Variants in GALNT8 observed in about 807,000 individuals in gnomAD.
GALNT8 encodes the protein probable polypeptide N-acetylgalactosaminyltransferase 8.
A neutral mutation model predicts 62.7 loss-of-function variants in GALNT8; 66 were observed. The ratio of observed to expected loss-of-function variants is 1.05; its 90% CI spans 0.86 to 1.29. The LOEUF (loss-of-function observed/expected upper bound fraction) is 1.29. Among genes scored for constraint, GALNT8 ranks in the 50% most tolerant of loss-of-function variants. The pLI is 0.00. For missense variants in GALNT8, 771 were observed against 791.8 expected (o/e 0.97, Z 0.32); for synonymous variants, 288 against 294.3 (o/e 0.98, Z 0.22).
intron 1 of GALNT8, among the ~76,000 whole-genome samples, chr12:4,725,278 C>T (rs1218038914): frequency 6.6e-6 from 1 of 152,138 alleles, no homozygotes; most frequent in African/African-American, 2.4e-5. Context: ...TAAGATACTC[C>T]AGCACAAATC....
intron 9 of GALNT8, 91 bp downstream of exon 9, chr12:4,764,138 G>C: frequency 2.5e-6 from 2 of 787,136 alleles, no homozygotes; most frequent in Non-Finnish European, 4.7e-6. Context: ...TCCGTGATAC[G>C]TGATGGGGAG....
intron 3 of GALNT8, among the ~76,000 whole-genome samples, chr12:4,742,670 T>C (rs974011511): frequency 2.6e-5 from 4 of 152,054 alleles, no homozygotes; most frequent in South Asian, 2.1e-4. Flanking sequence ...GGATTGGGAC[T>C]TGAAGGCGTC....
chr12:4,745,760 G>C, intron 5 of GALNT8, 134 bp downstream of exon 5: 1 of 676,042 alleles, frequency 1.5e-6, no homozygotes, highest in South Asian at 1.7e-5. Flanking sequence ...TGAAGGACAA[G>C]GGATAGAGGG....
Position 4,761,132 on chromosome 12 carries a change from A to C in GALNT8, c.1348A>C (p.Ile450Leu). The C allele has an allele frequency of 1.2e-6, 2 of 1,613,586 alleles. No individual in the cohort carries two copies. Among genetic ancestry groups the C allele is most frequent in the Non-Finnish European group, 1.7e-6 (2 of 1,179,542 alleles). Residue 450 changes from isoleucine (I) to leucine (L), a missense_variant, in exon 7 of 11, where the codon ATA becomes CTA. Transcript: ENST00000252318. ...ACACATGGTCTACTTGGCCTGGAACATACCTCTCCAGGTGAGTCATGGAAT... is the reference window on the plus strand; with the variant it reads ...ACACATGGTCTACTTGGCCTGGAACCTACCTCTCCAGGTGAGTCATGGAAT... Reference protein sequence around the residue: ...HKHMVYLAWNIPLQNSGIDFG... With the variant: ...HKHMVYLAWNLPLQNSGIDFG...
At chr12:4,753,053 G>C (rs1490559365) in intron 6 of GALNT8, among the ~76,000 whole-genome samples, 1 of 152,154 alleles carries the variant, frequency 6.6e-6, no homozygotes, top group Non-Finnish European at 1.5e-5. Flanking sequence ...AAGTATGGGA[G>C]CTGCATTGTA....
chr12:4,724,066 G>A (rs995760153), intron 1 of GALNT8, among the ~76,000 whole-genome samples: 7 of 148,288 alleles, frequency 4.7e-5, no homozygotes, highest in African/African-American at 1.7e-4. Context: ...GGAGAATGGC[G>A]TGAATCTGGG....
In GALNT8 at chr12:4,726,843, G is replaced by A. The variant is rs997767670; in HGVS notation, c.509+14G>A. 1.9e-6 allele frequency: 3 copies of A among 1,596,996 alleles called. No homozygotes were observed. The highest frequency in any genetic ancestry group is 2.7e-5 in the African/African-American group (2 of 74,508). ...GCGAGACTACAGGTGGGATGAACCA[G>A]GCTTGGGCTTCTAGGGTCCTCAGTT... On this transcript the variant is annotated intron_variant, in intron 2 of 10. Transcript: ENST00000252318. The surrounding 1 kb of genome is among the most constrained non-coding windows in gnomAD (Gnocchi z 4.1).
intron 2 of GALNT8, among the ~76,000 whole-genome samples, chr12:4,729,451 C>T (rs1946211364): frequency 6.6e-6 from 1 of 152,142 alleles, no homozygotes; most frequent in Non-Finnish European, 1.5e-5. Context: ...CACCCTGGCT[C>T]CTGGTAACCA....
chr12:4,747,419 A>T (rs935879246), intron 6 of GALNT8, among the ~76,000 whole-genome samples: 1 of 152,154 alleles, frequency 6.6e-6, no homozygotes, highest in Non-Finnish European at 1.5e-5. Flanking sequence ...CTCTATGCCC[A>T]TGAGTTCAAT....
chr12:4,765,665 G>T, intron 10 of GALNT8, 119 bp downstream of exon 10: 1 of 680,426 alleles, frequency 1.5e-6, no homozygotes. Context: ...TGAGGCTACT[G>T]ACAGAAAAGA....
At chr12:4,752,534 G>GA (rs200703013) in intron 6 of GALNT8, among the ~76,000 whole-genome samples, 26,660 of 137,350 alleles carry the variant, frequency 0.19, 2,504 homozygotes, top group Non-Finnish European at 0.21. Flanking sequence ...CCAAACAATT[G>GA]AAAAAAAAAA....
intron 6 of GALNT8, among the ~76,000 whole-genome samples, chr12:4,755,142 A>G (rs572488778): frequency 1.1e-4 from 16 of 152,224 alleles, no homozygotes; most frequent in African/African-American, 3.4e-4. Context: ...CCCACCCCCA[A>G]TCCACTGTCT....
intron 3 of GALNT8, among the ~76,000 whole-genome samples, chr12:4,741,595 A>G (rs940574569): frequency 6.6e-6 from 1 of 152,178 alleles, no homozygotes; most frequent in Non-Finnish European, 1.5e-5. Flanking sequence ...AAAAAAGTCA[A>G]TACTATACTC....
At chr12:4,740,853 G>GA (rs1946268960) in intron 3 of GALNT8, among the ~76,000 whole-genome samples, 1 of 152,178 alleles carries the variant, frequency 6.6e-6, no homozygotes, top group Non-Finnish European at 1.5e-5. Flanking sequence ...GCTGGTAAGT[G>GA]ACAGAACTGA....
intron 6 of GALNT8, among the ~76,000 whole-genome samples, chr12:4,748,694 G>C (rs1183494497): frequency 6.6e-6 from 1 of 151,984 alleles, no homozygotes; most frequent in Non-Finnish European, 1.5e-5. Flanking sequence ...GCATGGTTTT[G>C]GTTATTCTGG....
In GALNT8 at chr12:4,726,499, T is replaced by C. The variant is rs1182748205; in HGVS notation, c.212-33T>C. The stretch of plus-strand genomic sequence containing the variant: ...GGTAACTAAGGAGGGGCTGAAATGT[T>C]TTCTCTCCCACCCCTGTCCTCTTCA... On this transcript the variant is annotated intron_variant, in intron 1 of 10. Coordinates refer to ENST00000252318, the MANE Select transcript of GALNT8 (RefSeq NM_017417.2). This position sits in a 1 kb window ranked among gnomAD's most constrained non-coding sequence, Gnocchi z 4.1. 6.5e-7 allele frequency: 1 copy of C among 1,540,244 alleles called. No homozygotes were observed. Among genetic ancestry groups the C allele is most frequent in the South Asian group, 1.2e-5 (1 of 82,706 alleles).
chr12:4,758,631 TGTGTGTGA>T (rs57147107), intron 6 of GALNT8, among the ~76,000 whole-genome samples: 1,011 of 92,928 alleles, frequency 0.011, 4 homozygotes, highest in East Asian at 0.042. Flanking sequence ...TGTGTGTGTG[TGTGTGTGA>T]GAGAGAGAGA....
Position 4,763,378 on chromosome 12 carries a change from G to T in GALNT8, c.1485G>T (p.Val495=), listed in dbSNP as rs1351661792. 1 of 1,612,558 alleles carries T rather than the reference G, an allele frequency of 6.2e-7. No individual in the cohort carries two copies. The change falls in exon 8 of 11, where the codon GTG becomes GTT. Residue 495 remains valine (V), a synonymous_variant. Transcript: ENST00000252318. The part of the protein sequence containing the change: ...YPLLKPLHTI[V]GYGRMKNLLD... ...TCTTGAAGCCACTCCACACCATCGT[G>T]GGCTATGGAAGAGTATGTATTATGA...
At chr12:4,766,502 ACTAT>A (rs1946400498) in intron 10 of GALNT8, among the ~76,000 whole-genome samples, 1 of 152,200 alleles carries the variant, frequency 6.6e-6, no homozygotes, top group South Asian at 2.1e-4. Context: ...GGTGTGGAAT[ACTAT>A]GCTGAAATCT....
Sources: gnomAD v4.1 joint callset for allele counts (sites outside exome capture counted in the v4.1 genomes callset) on GRCh38, gnomAD v4.1.1 for gene constraint, Gnocchi (gnomAD v3.1) non-coding constraint, MANE v1.5 for transcripts, NCBI Gene and HGNC (gene_info 2026-07-23, HGNC 2026-07-21) for gene names.